The following KCNJ3 variants were observed in gnomAD, a reference collection of about 807,000 sequenced individuals.
The protein encoded by KCNJ3 is potassium inwardly rectifying channel subfamily J member 3.
Under a neutral mutation model 39.2 loss-of-function variants are expected in KCNJ3, and 4 were observed. The ratio of observed to expected loss-of-function variants is 0.10; its 90% CI spans 0.05 to 0.23. The LOEUF (loss-of-function observed/expected upper bound fraction) is 0.23. KCNJ3 is among the 10% of genes least tolerant of loss of function. The pLI, the probability that KCNJ3 is intolerant of heterozygous loss-of-function variation, is 1.00. For synonymous variants in KCNJ3, 230 were observed against 237.4 expected (o/e 0.97, Z 0.29); for missense variants, 276 against 634.9 (o/e 0.43, Z 6.08).
At chr2:154,782,839 T>C (rs1686462463) in intron 2 of KCNJ3, among the ~76,000 whole-genome samples, 1 of 152,106 alleles carries the variant, frequency 6.6e-6, no homozygotes, top group African/African-American at 2.4e-5. Flanking sequence ...AATTAAAACT[T>C]AATATTTCCT....
At chr2:154,705,236 C>T (rs374778321) in intron 1 of KCNJ3, among the ~76,000 whole-genome samples, 5 of 152,114 alleles carry the variant, frequency 3.3e-5, no homozygotes, top group African/African-American at 1.2e-4. Flanking sequence ...ATGTCCTTGA[C>T]AAATGAATGT....
intron 2 of KCNJ3, among the ~76,000 whole-genome samples, chr2:154,741,981 A>G (rs1014060475): frequency 2.0e-5 from 3 of 151,766 alleles, no homozygotes; most frequent in Admixed American, 6.6e-5. Context: ...ATCCCTCTCT[A>G]TAATTCTTTT....
intron 2 of KCNJ3, among the ~76,000 whole-genome samples, chr2:154,733,639 C>G (rs1306089307): frequency 1.3e-5 from 2 of 152,112 alleles, no homozygotes; most frequent in Non-Finnish European, 2.9e-5. Context: ...GCTGAAATTA[C>G]TGGGTAAAAA....
intron 2 of KCNJ3, among the ~76,000 whole-genome samples, chr2:154,822,843 GTGGTAC>G (rs1285997304): frequency 1.3e-5 from 2 of 151,882 alleles, no homozygotes; most frequent in Non-Finnish European, 1.5e-5. Context: ...GAAATAATTT[GTGGTAC>G]TATAATTCTA....
At chr2:154,708,841 A>C (rs2105151002) in intron 1 of KCNJ3, among the ~76,000 whole-genome samples, 1 of 152,288 alleles carries the variant, frequency 6.6e-6, no homozygotes, top group East Asian at 1.9e-4. Context: ...CTTTTATTAA[A>C]CTATGTTTCT....
intron 1 of KCNJ3, among the ~76,000 whole-genome samples, chr2:154,701,221 G>A (rs890688060): frequency 6.6e-6 from 1 of 152,048 alleles, no homozygotes; most frequent in African/African-American, 2.4e-5. Flanking sequence ...TAGTGGCAAG[G>A]TTTCTGTTCA....
At chr2:154,731,090 C>T (rs919033004) in intron 2 of KCNJ3, among the ~76,000 whole-genome samples, 1 of 151,954 alleles carries the variant, frequency 6.6e-6, no homozygotes, top group African/African-American at 2.4e-5. Flanking sequence ...GTTAAGGTAG[C>T]CTATTCAGAT....
intron 2 of KCNJ3, among the ~76,000 whole-genome samples, chr2:154,812,488 A>T (rs1311661171): frequency 6.6e-6 from 1 of 152,148 alleles, no homozygotes; most frequent in East Asian, 1.9e-4. Flanking sequence ...ACCATTGCTA[A>T]TTCATGACTT....
At chr2:154,847,369 A>C (rs1187110848) in intron 2 of KCNJ3, among the ~76,000 whole-genome samples, 1 of 152,178 alleles carries the variant, frequency 6.6e-6, no homozygotes, top group Non-Finnish European at 1.5e-5. Context: ...GATGGGTGAA[A>C]TTTTGGAAGT....
intron 2 of KCNJ3, among the ~76,000 whole-genome samples, chr2:154,797,731 C>T (rs558686404): frequency 6.6e-6 from 1 of 152,038 alleles, no homozygotes; most frequent in Non-Finnish European, 1.5e-5. Flanking sequence ...ATTGAGCACA[C>T]TCTTCCTATA....
chr2:154,746,793 C>G (rs959987951), intron 2 of KCNJ3, among the ~76,000 whole-genome samples: 4 of 151,676 alleles, frequency 2.6e-5, no homozygotes, highest in Admixed American at 2.6e-4. Context: ...GCACCAAACT[C>G]TTCTACTTGG....
chr2:154,848,023 A>C (rs138054298), intron 2 of KCNJ3, among the ~76,000 whole-genome samples: 1 of 152,288 alleles, frequency 6.6e-6, no homozygotes, highest in African/African-American at 2.4e-5. Flanking sequence ...TTATTCAGGA[A>C]AGTAGTTAGA....
intron 2 of KCNJ3, among the ~76,000 whole-genome samples, chr2:154,838,720 G>A (rs1045094920): frequency 2.6e-5 from 4 of 152,114 alleles, no homozygotes; most frequent in African/African-American, 9.7e-5. Flanking sequence ...TGTAAAGCAT[G>A]ACATTGTAAA....
chr2:154,822,096 T>C (rs1217793267), intron 2 of KCNJ3, among the ~76,000 whole-genome samples: 1 of 152,176 alleles, frequency 6.6e-6, no homozygotes, highest in Non-Finnish European at 1.5e-5. Flanking sequence ...TTAATGATGA[T>C]GTTCTCCACG....
chr2:154,728,337 T>C (rs1214818724), intron 2 of KCNJ3, among the ~76,000 whole-genome samples: 1 of 152,220 alleles, frequency 6.6e-6, no homozygotes, highest in Non-Finnish European at 1.5e-5. Context: ...TGTCTTTATG[T>C]ATTTTTCCAA....
intron 2 of KCNJ3, among the ~76,000 whole-genome samples, chr2:154,813,474 T>C (rs1419134405): frequency 6.6e-6 from 1 of 152,198 alleles, no homozygotes. Context: ...AAATTACTTC[T>C]ATTAGAATCC....
intron 2 of KCNJ3, among the ~76,000 whole-genome samples, chr2:154,724,601 A>G (rs1021243507): frequency 6.6e-6 from 1 of 151,792 alleles, no homozygotes; most frequent in Admixed American, 6.6e-5. Context: ...CTTTCCCTAC[A>G]TATTTCAATT....
At chr2:154,746,115 A>G (rs920450502) in intron 2 of KCNJ3, among the ~76,000 whole-genome samples, 4 of 152,002 alleles carry the variant, frequency 2.6e-5, no homozygotes, top group Non-Finnish European at 5.9e-5. Flanking sequence ...ACTTCTACTT[A>G]ATGAATAGTA....
chr2:154,825,559 T>TATTA (rs1471322067), intron 2 of KCNJ3, among the ~76,000 whole-genome samples: 1 of 147,684 alleles, frequency 6.8e-6, no homozygotes, highest in East Asian at 2.0e-4. Flanking sequence ...TTTATTTATT[T>TATTA]ATTTATTTAT....
Sources: gnomAD v4.1 joint callset for allele counts (sites outside exome capture counted in the v4.1 genomes callset) on GRCh38, gnomAD v4.1.1 for gene constraint, MANE v1.5 for transcripts, NCBI Gene and HGNC (gene_info 2026-07-23, HGNC 2026-07-21) for gene names.